TCF12: variants seen among roughly 807,000 people sequenced by gnomAD.
TCF12 encodes the protein DNA-binding protein HTF4.
A neutral mutation model predicts 86.0 loss-of-function variants in TCF12; 45 were observed. The ratio of observed to expected loss-of-function variants is 0.52; its 90% CI spans 0.41 to 0.67. TCF12 has a LOEUF of 0.67. TCF12 is among the 30% of genes least tolerant of loss of function. The probability of loss-of-function intolerance (pLI) is 0.00; values close to 1 mark genes in which losing one functional copy is unlikely to be tolerated. For missense variants in TCF12, 881 were observed against 859.9 expected (o/e 1.02, Z -0.31); for synonymous variants, 330 against 299.6 (o/e 1.10, Z -1.05).
chr15:57,168,238 C>T (rs1186786819), intron 6 of TCF12, among the ~76,000 whole-genome samples: 1 of 152,154 alleles, frequency 6.6e-6, no homozygotes, highest in African/African-American at 2.4e-5. Flanking sequence ...CAATTCAGGG[C>T]TTCCATTTTT....
intron 19 of TCF12, among the ~76,000 whole-genome samples, chr15:57,274,413 T>G (rs1314966961): frequency 6.6e-6 from 1 of 152,244 alleles, no homozygotes; most frequent in Admixed American, 6.5e-5. Flanking sequence ...TACTTGCTCC[T>G]CTTCTCCCAA....
chr15:57,227,259 T>TA (rs1326840392), intron 8 of TCF12, among the ~76,000 whole-genome samples: 10 of 152,246 alleles, frequency 6.6e-5, no homozygotes, highest in Admixed American at 6.5e-4. Flanking sequence ...AGAAAGTCAT[T>TA]ACGCCTCCCT....
At position 57,218,833 on chromosome 15, in the gene TCF12, G is replaced by C. The variant is rs2058445403; in HGVS notation, c.580-12319G>C. Among the ~76,000 whole-genome samples the C allele has an allele frequency of 3.9e-5, 6 of 152,230 alleles. No individual in the cohort carries two copies. In the South Asian group the frequency reaches 1.2e-3, roughly 32 times the overall value. ...TTTGGACTAAGCTTTTTAATAAAATGTGTTCCTTTCAGTTTTCCTCAACAT... is the reference window on the plus strand; with the variant it reads ...TTTGGACTAAGCTTTTTAATAAAATCTGTTCCTTTCAGTTTTCCTCAACAT... On this transcript the variant is annotated intron_variant, in intron 8 of 20. Transcript: ENST00000333725.
intron 3 of TCF12, among the ~76,000 whole-genome samples, chr15:57,021,078 T>C (rs1360391294): frequency 6.6e-6 from 1 of 152,220 alleles, no homozygotes; most frequent in Non-Finnish European, 1.5e-5. Context: ...GTGGAAATTA[T>C]CTCTTCTGTT....
chr15:57,103,672 A>G (rs766863275), intron 5 of TCF12, among the ~76,000 whole-genome samples: 1 of 152,234 alleles, frequency 6.6e-6, no homozygotes, highest in Non-Finnish European at 1.5e-5. Context: ...ACAGTATTTT[A>G]TAAAGAAAAA....
intron 8 of TCF12, among the ~76,000 whole-genome samples, chr15:57,213,810 C>A (rs1236833601): frequency 3.3e-5 from 5 of 152,150 alleles, no homozygotes; most frequent in Non-Finnish European, 7.3e-5. Flanking sequence ...TGAATGATAG[C>A]TTTGTTTGCC....
At chr15:57,241,746 A>C (rs1456669269) in intron 12 of TCF12, among the ~76,000 whole-genome samples, 2 of 152,186 alleles carry the variant, frequency 1.3e-5, no homozygotes, top group Non-Finnish European at 2.9e-5. Context: ...TAATCCCAGC[A>C]CTTTGGGAGG....
At chr15:56,981,921 C>T (rs940059256) in intron 3 of TCF12, among the ~76,000 whole-genome samples, 9 of 151,920 alleles carry the variant, frequency 5.9e-5, no homozygotes, top group South Asian at 4.2e-4. Context: ...GTGGCTGTCT[C>T]GCAGAGGTGG....
chr15:57,075,836 T>C (rs377265676), intron 4 of TCF12, among the ~76,000 whole-genome samples: 694 of 21,936 alleles, frequency 0.032, 8 homozygotes, highest in Non-Finnish European at 0.045. Context: ...CTCTCTCTCT[T>C]TTCTTTCTTT....
chr15:57,008,409 T>A (rs1297068051), intron 3 of TCF12, among the ~76,000 whole-genome samples: 1 of 142,118 alleles, frequency 7.0e-6, no homozygotes, highest in Non-Finnish European at 1.5e-5. Flanking sequence ...AGGGTTTTGC[T>A]CTGTTACCCA....
At chr15:57,278,942 CTT>C (rs67020277) in intron 19 of TCF12, among the ~76,000 whole-genome samples, 85 of 117,976 alleles carry the variant, frequency 7.2e-4, no homozygotes, top group South Asian at 1.2e-3. Context: ...TCCTTCCTTC[CTT>C]TTTTTTTTTT....
At chr15:56,989,073 A>G (rs776662926) in intron 3 of TCF12, among the ~76,000 whole-genome samples, 1 of 152,120 alleles carries the variant, frequency 6.6e-6, no homozygotes, top group Non-Finnish European at 1.5e-5. Context: ...AGAGATGACT[A>G]TTTATTGACA....
At chr15:56,959,076 C>G (rs2061629109) in intron 3 of TCF12, among the ~76,000 whole-genome samples, 1 of 152,106 alleles carries the variant, frequency 6.6e-6, no homozygotes, top group African/African-American at 2.4e-5. Context: ...TGGCAGGTAT[C>G]ATTTGGATGA....
Position 57,263,198 on chromosome 15 carries a change from C to T in TCF12, c.1669C>T (p.Pro557Ser), listed in dbSNP as rs748382852. Residue 557 changes from proline (P) to serine (S), a missense_variant, in exon 18 of 21, where the codon CCT becomes TCT. Pro to Ser is a moderately conservative substitution (Grantham distance 74). Around this residue, in one of 3 missense-constraint regions of TCF12, gnomAD observed 766 missense variants for 718.9 expected, o/e 1.07. Coordinates refer to ENST00000333725, the MANE Select transcript of TCF12 (RefSeq NM_207037.2). Reference sequence around the variant, plus strand: ...AAAGGATGAAAACCTTCATGAACCTCCTTCATCAGATGACATGAAGTCAGA... The same window carrying T: ...AAAGGATGAAAACCTTCATGAACCTTCTTCATCAGATGACATGAAGTCAGA... ...KEKDENLHEP[P>S]SSDDMKSDDE... The T allele has an allele frequency of 1.9e-6, 3 of 1,613,226 alleles. No individual in the cohort carries two copies. Among genetic ancestry groups the T allele is most frequent in the Non-Finnish European group, 2.5e-6 (3 of 1,179,690 alleles).
chr15:57,075,621 A>G (rs1010458355), intron 4 of TCF12, among the ~76,000 whole-genome samples: 11 of 152,250 alleles, frequency 7.2e-5, no homozygotes, highest in Admixed American at 7.2e-4. Context: ...TGAAACCTCC[A>G]GGACATATTG....
At chr15:57,276,925 C>T (rs1447741079) in intron 19 of TCF12, among the ~76,000 whole-genome samples, 1 of 151,420 alleles carries the variant, frequency 6.6e-6, no homozygotes, top group African/African-American at 2.4e-5. Flanking sequence ...CTGCCTCTGC[C>T]TCCTCCATAG....
At chr15:56,947,034 G>A (rs1247735444) in intron 3 of TCF12, among the ~76,000 whole-genome samples, 1 of 152,134 alleles carries the variant, frequency 6.6e-6, no homozygotes, top group Admixed American at 6.5e-5. Flanking sequence ...CTGACCTCAA[G>A]TGATCTGCCT....
Position 57,231,161 on chromosome 15 carries a change from C to T in TCF12, c.589C>T (p.Pro197Ser), listed in dbSNP as rs142136551. 2.7e-5 allele frequency: 43 copies of T among 1,611,616 alleles called. No homozygotes were observed. The East Asian group carries it at 9.4e-4, about 35-fold the overall frequency. ...PPGLPSSVYA[P>S]SPNSDDFNRE... ...GCTGTTTAATTTTAAGGTATATGCACCATCCCCAAATTCAGATGATTTCAA... is the reference window on the plus strand; with the variant it reads ...GCTGTTTAATTTTAAGGTATATGCATCATCCCCAAATTCAGATGATTTCAA... The change falls in exon 9 of 21, where the codon CCA becomes TCA. Residue 197 changes from proline (P) to serine (S), a missense_variant. Pro to Ser is a moderately conservative substitution (Grantham distance 74). This residue lies in a region of TCF12 where 766 missense variants were observed against 718.9 expected (regional missense o/e 1.07). Coordinates refer to ENST00000333725, the MANE Select transcript of TCF12 (RefSeq NM_207037.2).
intron 3 of TCF12, among the ~76,000 whole-genome samples, chr15:56,997,754 T>C (rs917498427): frequency 1.4e-4 from 22 of 152,218 alleles, no homozygotes; most frequent in Admixed American, 1.2e-3. Flanking sequence ...TTAAATGCTG[T>C]AAACAAATCA....
Sources: allele counts gnomAD v4.1 joint callset (sites outside exome capture counted in the v4.1 genomes callset), GRCh38; gene constraint gnomAD v4.1.1; regional missense constraint gnomAD v4.1.1; transcripts MANE v1.5; gene names NCBI Gene and HGNC (gene_info 2026-07-23, HGNC 2026-07-21).